MED23: variants seen among roughly 807,000 people sequenced by gnomAD.
MED23 encodes the protein mediator complex subunit 23, also known as mediator of RNA polymerase II transcription subunit 23.
In MED23, 105 loss-of-function variants were observed where a neutral mutation model predicts 163.9. The ratio of observed to expected loss-of-function variants is 0.64; its 90% confidence interval spans 0.55 to 0.75. MED23 has a LOEUF of 0.75. Ranked by LOEUF, MED23 falls within the 30% of genes least tolerant of loss-of-function variation. The probability of loss-of-function intolerance (pLI) is 0.00; values close to 1 mark genes in which losing one functional copy is unlikely to be tolerated. For synonymous variants in MED23, 561 were observed against 565.6 expected (o/e 0.99, Z 0.12); for missense variants, 1,054 against 1,649.0 (o/e 0.64, Z 6.25).
At chr6:131,577,415 T>C (rs117272946) in intron 30 of MED23, among the ~76,000 whole-genome samples, 1,951 of 152,286 alleles carry the variant, frequency 0.013, 26 homozygotes, top group Non-Finnish European at 0.02. Flanking sequence ...GAAGTACAAC[T>C]ACAAACATTC....
chr6:131,628,179 C>G lies in MED23; in HGVS notation c.-130G>C. ...TAGCTCCTCGGCGTCGCTTCCTCCC[C>G]CAGCGCTTTACCTGGAGCGTTCCCT... On this transcript the variant is annotated 5_prime_UTR_variant, in exon 1 of 29. Transcript: ENST00000368068. 9.3e-7 allele frequency: 1 copy of G among 1,079,070 alleles called. No homozygotes were observed. Among genetic ancestry groups the G allele is most frequent in the Non-Finnish European group, 1.4e-6 (1 of 711,448 alleles). 66.8% of individuals were successfully genotyped at this position (1,079,070 alleles called of 1,614,324 possible). A position where few individuals can be genotyped will look rare whatever the true frequency, so the allele number is the denominator to read the frequency against.
chr6:131,594,920 C>T (rs1489965485), intron 22 of MED23, among the ~76,000 whole-genome samples: 1 of 152,128 alleles, frequency 6.6e-6, no homozygotes, highest in Non-Finnish European at 1.5e-5. Context: ...TAGCTGGAGG[C>T]CAGGATGGGA....
Position 131,615,503 on chromosome 6 carries a change from C to CAAAAAAAAAA in MED23, c.876+394_876+403dup, listed in dbSNP as rs917020235. Among the ~76,000 whole-genome samples, 15 of 14,160 alleles carry CAAAAAAAAAA rather than the reference C, an allele frequency of 1.1e-3. 3 individuals carry two copies. The highest frequency in any genetic ancestry group is 0.01 in the East Asian group (4 of 392). 9.3% of individuals were successfully genotyped at this position (14,160 alleles called of 152,430 possible). On this transcript the variant is annotated intron_variant, in intron 10 of 28. Transcript: ENST00000368068. ...CCACCAAAAACAAGCAAACACACAC[C>CAAAAAAAAAA]AAAAAAAAAAAAAAAAAAAAAAAAA...
Position 131,596,145 on chromosome 6 carries a change from A to G in MED23, c.2797T>C (p.Tyr933His). Residue 933 changes from tyrosine (Y) to histidine (H), a missense_variant, in exon 22 of 29, where the codon TAT becomes CAT. By Grantham distance (83) the Tyr-to-His change is moderately conservative (BLOSUM62 2). This residue lies in a region of MED23 where 228 missense variants were observed against 461.3 expected (regional missense o/e 0.49). Transcript: ENST00000368068. ...NYHKKYPEKL[Y>H]FEGLAEQVDP... ...ACCTGTTCCGCGAGGCCCTCAAAAT[A>G]CAACTTCTCTGGATATTTCTGTGGA... 1 of 1,614,032 alleles carries G rather than the reference A, an allele frequency of 6.2e-7. No homozygotes were observed. Among genetic ancestry groups the G allele is most frequent in the Non-Finnish European group, 8.5e-7 (1 of 1,179,914 alleles).
intron 10 of MED23, among the ~76,000 whole-genome samples, chr6:131,614,837 GTTT>G (rs1659166770): frequency 6.6e-6 from 1 of 151,752 alleles, no homozygotes; most frequent in African/African-American, 2.4e-5. Flanking sequence ...TTTTTAATTT[GTTT>G]TTGTTTTAAG....
chr6:131,607,801 A>C (rs1775970174), intron 12 of MED23, 127 bp downstream of exon 12: 1 of 1,054,668 alleles, frequency 9.5e-7, no homozygotes, highest in Non-Finnish European at 1.4e-6. Flanking sequence ...AGCTTGCTAC[A>C]CTTAACATTC....
chr6:131,628,243 G>C (rs1306897464), upstream of MED23: 1 of 635,744 alleles, frequency 1.6e-6, no homozygotes. Flanking sequence ...TACGGAAGAC[G>C]GGAAGGGCCC....
At chr6:131,597,832 T>A (rs918354290) in intron 20 of MED23, among the ~76,000 whole-genome samples, 2 of 152,088 alleles carry the variant, frequency 1.3e-5, no homozygotes, top group African/African-American at 4.8e-5. Context: ...ACGCCTGTAA[T>A]CCCAGCACTT....
In MED23 at chr6:131,604,066, A is replaced by T. The variant is rs143659642; in HGVS notation, c.1756+112T>A. 1.1e-3 allele frequency: 1,098 copies of T among 1,027,910 alleles called. 5 individuals are homozygous for T. The highest frequency in any genetic ancestry group is 2.1e-3 in the South Asian group (163 of 77,734). The allele number at this position is 1,027,910 out of a possible 1,614,324, so 63.7% of individuals were successfully genotyped here. ...CATTTATTTAATGTCCTCCTCCATA[A>T]GCTCCATCATGGTGGTGACTTGTTC... On this transcript the variant is annotated intron_variant, in intron 15 of 28. Transcript: ENST00000368068.
chr6:131,603,066 G>A lies in MED23; in HGVS notation c.1895C>T (p.Ala632Val), dbSNP rs747182218. 6.2e-7 allele frequency: 1 copy of A among 1,613,968 alleles called. No individual in the cohort carries two copies. The highest frequency in any genetic ancestry group is 1.3e-5 in the African/African-American group (1 of 75,038). ...CTGGTTCTGGTTTGTTTGTGCAACT[G>A]CAGCCAAAGTATGAAGATGACTCAG... ...QLLSHLHTLA[A>V]VAQTNQNQLH... is the part of the protein sequence containing the mutation. The change falls in exon 16 of 29, where the codon GCA becomes GTA. Residue 632 changes from alanine (A) to valine (V), a missense_variant. Coordinates refer to ENST00000368068, the MANE Select transcript of MED23 (RefSeq NM_004830.4).
At chr6:131,612,430 A>G (rs1385676668) in intron 10 of MED23, among the ~76,000 whole-genome samples, 1 of 152,116 alleles carries the variant, frequency 6.6e-6, no homozygotes, top group East Asian at 1.9e-4. Context: ...ACAAAGTGGA[A>G]CAAACATTTG....
At chr6:131,614,645 C>T (rs1041999319) in intron 10 of MED23, among the ~76,000 whole-genome samples, 7 of 152,122 alleles carry the variant, frequency 4.6e-5, no homozygotes, top group African/African-American at 1.7e-4. Context: ...GAGGAAGGCA[C>T]TTCTGGCAAA....
chr6:131,618,309 C>T, intron 9 of MED23, 98 bp downstream of exon 9: 1 of 810,142 alleles, frequency 1.2e-6, no homozygotes, highest in South Asian at 1.5e-5. Context: ...ATATTTACTT[C>T]TTCAGATTAT....
chr6:131,624,958 A>G lies in MED23; in HGVS notation c.191T>C (p.Val64Ala), dbSNP rs111843376. Residue 64 changes from valine (V) to alanine (A), a missense_variant, in exon 4 of 29, where the codon GTT (valine) becomes GCT (alanine). Val to Ala is a moderately conservative substitution (Grantham distance 64). Around this residue, in one of 11 missense-constraint regions of MED23, gnomAD observed 227 missense variants for 235.5 expected, o/e 0.96. Transcript: ENST00000368068. ...ACTATGCTGACCATGAATAAACTTA[A>G]CAATCCACTGGATACACTGTTCATG... ...ESHEQCIQWI[V>A]KFIHGQHSPK... 6.2e-7 allele frequency: 1 copy of G among 1,613,806 alleles called. No individual in the cohort carries two copies. Among genetic ancestry groups the G allele is most frequent in the Admixed American group, 1.7e-5 (1 of 60,030 alleles).
intron 10 of MED23, among the ~76,000 whole-genome samples, chr6:131,612,627 C>T (rs1379651401): frequency 6.6e-6 from 1 of 151,916 alleles, no homozygotes; most frequent in Non-Finnish European, 1.5e-5. Context: ...TAACTATATG[C>T]CTATTTAGTT....
rs1373549531 is a variant in MED23, at chr6:131,591,537, C to T, written c.3472-10G>A. ...CAATCCAATATGGCTCCTTTAAAAT[C>T]GGAGGAAAGCTAGTGAAAAATATCA... On this transcript the variant is annotated splice_polypyrimidine_tract_variant and intron_variant, in intron 25 of 28. Transcript: ENST00000368068. 18 of 1,593,750 alleles carry T rather than the reference C, an allele frequency of 1.1e-5. No homozygotes were observed. Among genetic ancestry groups the T allele is most frequent in the African/African-American group, 2.7e-5 (2 of 74,514 alleles).
At chr6:131,582,439 A>C (rs1009423906), downstream of MED23, among the ~76,000 whole-genome samples, 1 of 152,208 alleles carries the variant, frequency 6.6e-6, no homozygotes, top group Non-Finnish European at 1.5e-5. Flanking sequence ...TTCAAGGCAA[A>C]GTCAAAGCAA....
intron 3 of MED23, 149 bp from the exon 4 acceptor site, chr6:131,625,138 A>T: frequency 1.2e-6 from 1 of 867,536 alleles, no homozygotes; most frequent in East Asian, 2.7e-5. Context: ...AAAAAAAGCA[A>T]AATTAAAAAA....
In MED23 at chr6:131,624,871, G is replaced by A. The variant is rs1317094326; in HGVS notation, c.278C>T (p.Pro93Leu). ...TCATACCCATTAAACGTACCTGGGT[G>A]GAAGGAGACCAGTCTCAACTGCCAT... ...LAMAVETGLL[P>L]PRLVCESLIN... The change falls in exon 4 of 29, where the codon CCA (proline) becomes CTA (leucine). Residue 93 changes from proline (P) to leucine (L), a missense_variant. Pro to Leu is a moderately conservative substitution (Grantham distance 98). This residue lies in a region of MED23 where 227 missense variants were observed against 235.5 expected (regional missense o/e 0.96). Coordinates refer to ENST00000368068, the MANE Select transcript of MED23 (RefSeq NM_004830.4). 1.9e-6 allele frequency: 3 copies of A among 1,613,810 alleles called. No individual in the cohort carries two copies. The highest frequency in any genetic ancestry group is 3.3e-5 in the Admixed American group (2 of 60,026).
Sources: allele counts gnomAD v4.1 joint callset (sites outside exome capture counted in the v4.1 genomes callset), GRCh38; gene constraint gnomAD v4.1.1; regional missense constraint gnomAD v4.1.1; transcripts MANE v1.5; gene names NCBI Gene and HGNC (gene_info 2026-07-23, HGNC 2026-07-21).